The following ST6GALNAC5 variants were observed in gnomAD, a reference collection of about 807,000 sequenced individuals.
The protein encoded by ST6GALNAC5 is ST6 N-acetylgalactosaminide alpha-2,6-sialyltransferase 5.
ST6GALNAC5 carries 27 observed loss-of-function variants against 33.6 expected under a neutral mutation model. That is an observed-to-expected ratio of 0.80 (90% CI 0.59 to 1.11). The LOEUF is 1.11. ST6GALNAC5 is among the 50% of genes least tolerant of loss of function. The pLI, the probability that ST6GALNAC5 is intolerant of heterozygous loss-of-function variation, is 0.00. For missense variants in ST6GALNAC5, 428 were observed against 454.0 expected (o/e 0.94, Z 0.52); for synonymous variants, 194 against 171.2 (o/e 1.13, Z -1.04).
intron 2 of ST6GALNAC5, among the ~76,000 whole-genome samples, chr1:76,968,352 CTT>C (rs1174160066): frequency 1.3e-5 from 2 of 152,116 alleles, no homozygotes; most frequent in African/African-American, 2.4e-5. Flanking sequence ...TTCTTTGTCT[CTT>C]TTGATCTTTG....
chr1:76,952,132 A>T (rs986425184), intron 2 of ST6GALNAC5, among the ~76,000 whole-genome samples: 1 of 152,146 alleles, frequency 6.6e-6, no homozygotes, highest in African/African-American at 2.4e-5. Flanking sequence ...TCTAATAATC[A>T]ACAGTATAGC....
chr1:76,960,431 C>G (rs1027207327), intron 2 of ST6GALNAC5, among the ~76,000 whole-genome samples: 2 of 152,126 alleles, frequency 1.3e-5, no homozygotes, highest in Non-Finnish European at 2.9e-5. Context: ...CACAGGACCA[C>G]AGGACGGGGC....
intron 2 of ST6GALNAC5, among the ~76,000 whole-genome samples, chr1:77,006,018 A>G (rs548810683): frequency 6.6e-5 from 10 of 152,272 alleles, no homozygotes; most frequent in African/African-American, 2.4e-4. Context: ...TGGTATACAA[A>G]ATTTCTTTGA....
At chr1:77,025,152 C>A (rs958186910) in intron 2 of ST6GALNAC5, among the ~76,000 whole-genome samples, 2 of 152,148 alleles carry the variant, frequency 1.3e-5, no homozygotes, top group Non-Finnish European at 2.9e-5. Context: ...CACCATTATC[C>A]CTTTTGGCTT....
At chr1:77,002,396 TC>T (rs1449226915) in intron 2 of ST6GALNAC5, among the ~76,000 whole-genome samples, 1 of 152,214 alleles carries the variant, frequency 6.6e-6, no homozygotes, top group Non-Finnish European at 1.5e-5. Context: ...TCTTTATTAG[TC>T]TTGATAGCGG....
At chr1:77,017,234 T>A (rs1465343374) in intron 2 of ST6GALNAC5, among the ~76,000 whole-genome samples, 1 of 151,640 alleles carries the variant, frequency 6.6e-6, no homozygotes, top group East Asian at 1.9e-4. Context: ...TTCTAGTGAG[T>A]GCATCTGACA....
At chr1:76,972,534 T>A (rs75257984) in intron 2 of ST6GALNAC5, among the ~76,000 whole-genome samples, 2 of 152,220 alleles carry the variant, frequency 1.3e-5, no homozygotes, top group Non-Finnish European at 1.5e-5. Context: ...TTTTCAATAA[T>A]GTATACGTTT....
chr1:76,989,381 C>G (rs372226400), intron 2 of ST6GALNAC5, among the ~76,000 whole-genome samples: 2 of 151,818 alleles, frequency 1.3e-5, no homozygotes, highest in Non-Finnish European at 2.9e-5. Flanking sequence ...TATTCCATTA[C>G]TGTGTTATAT....
At chr1:76,903,584 G>T (rs9729082) in intron 2 of ST6GALNAC5, among the ~76,000 whole-genome samples, 146,548 of 152,278 alleles carry the variant, frequency 0.96, 70,567 homozygotes, top group East Asian at 1. Context: ...TGTACACAAA[G>T]GCATTATTCA....
At chr1:76,960,969 G>A (rs1199660194) in intron 2 of ST6GALNAC5, among the ~76,000 whole-genome samples, 1 of 152,110 alleles carries the variant, frequency 6.6e-6, no homozygotes, top group Non-Finnish European at 1.5e-5. Flanking sequence ...CGAAGATGAT[G>A]GGATTAAGAG....
Position 77,036,327 on chromosome 1 carries a change from A to G in ST6GALNAC5, c.262-7877A>G, listed in dbSNP as rs190432751. ...TTCAGGATGATGGAAATGTTCTAAA[A>G]TTAGGTCATGCTGATGGTTGCCCAA... On this transcript the variant is annotated intron_variant, in intron 2 of 4. Transcript: ENST00000477717. Among the ~76,000 whole-genome samples, 4 of 152,342 alleles carry G rather than the reference A, an allele frequency of 2.6e-5. No homozygotes were observed. The East Asian group carries it at 7.7e-4, about 29-fold the overall frequency.
intron 2 of ST6GALNAC5, among the ~76,000 whole-genome samples, chr1:76,994,492 CTTG>C (rs1649850075): frequency 6.6e-6 from 1 of 152,100 alleles, no homozygotes; most frequent in South Asian, 2.1e-4. Flanking sequence ...TATTTGGCCT[CTTG>C]TTAAATGAGA....
At chr1:76,916,309 A>C (rs939621811) in intron 2 of ST6GALNAC5, among the ~76,000 whole-genome samples, 2 of 152,146 alleles carry the variant, frequency 1.3e-5, no homozygotes, top group Non-Finnish European at 2.9e-5. Flanking sequence ...CCCTTGTTCC[A>C]CATTTTGAAA....
chr1:76,977,129 G>A (rs916982700), intron 2 of ST6GALNAC5, among the ~76,000 whole-genome samples: 1 of 151,936 alleles, frequency 6.6e-6, no homozygotes, highest in Non-Finnish European at 1.5e-5. Flanking sequence ...TTTCCTGAAA[G>A]ATATTTAATA....
At chr1:76,959,594 G>A (rs939931045) in intron 2 of ST6GALNAC5, among the ~76,000 whole-genome samples, 2 of 152,190 alleles carry the variant, frequency 1.3e-5, no homozygotes, top group African/African-American at 2.4e-5. Flanking sequence ...ACAGGACCAG[G>A]GATGATCTGA....
chr1:76,973,275 T>C (rs1648836841), intron 2 of ST6GALNAC5, among the ~76,000 whole-genome samples: 1 of 151,942 alleles, frequency 6.6e-6, no homozygotes, highest in Admixed American at 6.6e-5. Context: ...AGGAATCAGC[T>C]CATACAATTA....
At chr1:77,005,262 G>T (rs772977061) in intron 2 of ST6GALNAC5, among the ~76,000 whole-genome samples, 15 of 152,326 alleles carry the variant, frequency 9.8e-5, no homozygotes, top group Admixed American at 8.5e-4. Context: ...TTCCAGGTGC[G>T]TCTGTCACCC....
At chr1:76,913,918 C>A (rs967207541) in intron 2 of ST6GALNAC5, among the ~76,000 whole-genome samples, 1 of 152,036 alleles carries the variant, frequency 6.6e-6, no homozygotes, top group South Asian at 2.1e-4. Context: ...TGTTTGCAGA[C>A]GACATGATTG....
rs555860215 is a variant in ST6GALNAC5, at chr1:76,917,788, A to G, written c.261+49046A>G. Among the ~76,000 whole-genome samples, 179 of 152,260 alleles carry G rather than the reference A, an allele frequency of 1.2e-3. 2 individuals carry two copies. Among genetic ancestry groups the G allele is most frequent in the African/African-American group, 4.2e-3 (173 of 41,556 alleles). On this transcript the variant is annotated intron_variant, in intron 2 of 4. Transcript: ENST00000477717. ...AAGCCAGTGGTATAAGTTCTGATAC[A>G]AAGGCTAGTAGGCTGAAGACCCAAG...
Sources: allele counts gnomAD v4.1 joint callset (sites outside exome capture counted in the v4.1 genomes callset), GRCh38; gene constraint gnomAD v4.1.1; transcripts MANE v1.5; gene names NCBI Gene and HGNC (gene_info 2026-07-23, HGNC 2026-07-21).